UBXN2A: variants seen among roughly 807,000 people sequenced by gnomAD.
UBXN2A encodes the protein UBX domain protein 2A.
A neutral mutation model predicts 28.4 loss-of-function variants in UBXN2A; 28 were observed. The ratio of observed to expected loss-of-function variants is 0.99; its 90% CI spans 0.73 to 1.35. UBXN2A has a LOEUF of 1.35. UBXN2A is among the 40% of genes most tolerant of loss of function. UBXN2A has a pLI of 0.00. For missense variants in UBXN2A, 253 were observed against 297.9 expected (o/e 0.85, Z 1.11); for synonymous variants, 97 against 103.6 (o/e 0.94, Z 0.39).
chr2:23,993,697 T>G (rs1708432762), intron 6 of UBXN2A, among the ~76,000 whole-genome samples: 1 of 122,070 alleles, frequency 8.2e-6, no homozygotes, highest in Admixed American at 1.0e-4. Flanking sequence ...TTTAATTTTT[T>G]TTTTTTTTCA....
At chr2:23,931,591 C>T (rs1258152212) in intron 1 of UBXN2A, among the ~76,000 whole-genome samples, 4 of 151,958 alleles carry the variant, frequency 2.6e-5, no homozygotes, top group Non-Finnish European at 1.5e-5. Flanking sequence ...TGGCAAGATA[C>T]TAAGGAATGC....
intron 6 of UBXN2A, among the ~76,000 whole-genome samples, chr2:23,995,623 G>A (rs1236710694): frequency 6.6e-6 from 1 of 151,368 alleles, no homozygotes; most frequent in Non-Finnish European, 1.5e-5. Flanking sequence ...AACCCAGGGG[G>A]CGGAGCTTGC....
chr2:23,931,526 C>T (rs373759438), intron 1 of UBXN2A, among the ~76,000 whole-genome samples: 1 of 151,860 alleles, frequency 6.6e-6, no homozygotes. Context: ...ATAACTAAAA[C>T]GTTGGTTAAA....
At position 23,954,043 on chromosome 2, in the gene UBXN2A, A is replaced by G. The variant is rs755217249; in HGVS notation, c.-14-4258A>G. 2.3e-3 allele frequency among the ~76,000 whole-genome samples: 346 copies of G among 151,838 alleles called. 5 individuals carry two copies. The highest frequency in any genetic ancestry group is 2.2e-3 in the Non-Finnish European group (148 of 67,942). On this transcript the variant is annotated intron_variant, in intron 1 of 6. Coordinates refer to ENST00000309033, the MANE Select transcript of UBXN2A (RefSeq NM_181713.4). ...TCTTTTTGTTTTAAGACTGAGTTTC[A>G]CTCTTGTTGCCCAGGCTGGAGTGCA...
chr2:24,001,678 G>A lies in UBXN2A; in HGVS notation c.*1811G>A, dbSNP rs559178107. 18 of 151,756 alleles carry A rather than the reference G, an allele frequency of 1.2e-4. No individual in the cohort carries two copies. The South Asian group carries it at 3.7e-3, about 32-fold the overall frequency. 9.4% of individuals were successfully genotyped at this position (151,756 alleles called of 1,614,324 possible). ...TAAATTTTTAAAATATTTATTTATG[G>A]GCCAGGCACGGTGGCTTACGCCTGT... On this transcript the variant is annotated 3_prime_UTR_variant, in exon 7 of 7. Coordinates refer to ENST00000309033, the MANE Select transcript of UBXN2A (RefSeq NM_181713.4).
At chr2:23,946,397 T>G (rs1706081055) in intron 1 of UBXN2A, among the ~76,000 whole-genome samples, 1 of 151,902 alleles carries the variant, frequency 6.6e-6, no homozygotes, top group Non-Finnish European at 1.5e-5. Context: ...CTCGGCTCAC[T>G]GCAATGTCCG....
intron 2 of UBXN2A, among the ~76,000 whole-genome samples, chr2:23,963,617 G>T (rs1346266347): frequency 2.0e-5 from 3 of 152,142 alleles, no homozygotes; most frequent in Non-Finnish European, 4.4e-5. Flanking sequence ...ACACCTGTCA[G>T]GATGGCTGTT....
At chr2:23,934,148 G>A (rs190926575) in intron 1 of UBXN2A, among the ~76,000 whole-genome samples, 4 of 151,358 alleles carry the variant, frequency 2.6e-5, no homozygotes, top group Admixed American at 1.3e-4. Flanking sequence ...TGCGGGAGGC[G>A]GAGGTTGCAG....
rs550521346 is a variant in UBXN2A at position 23,986,037 on chromosome 2, G to C, written c.584+1206G>C. ...AACAGTAATGAAGTTGGCCGGGCAC[G>C]GTGGCTCACACCTGTAATCCCAGCA... On this transcript the variant is annotated intron_variant, in intron 6 of 6. Coordinates refer to ENST00000309033, the MANE Select transcript of UBXN2A (RefSeq NM_181713.4). Among the ~76,000 whole-genome samples the C allele has an allele frequency of 2.6e-5, 4 of 151,814 alleles. No homozygotes were observed. In the East Asian group the frequency reaches 7.7e-4, roughly 29 times the overall value.
At chr2:23,994,453 A>G (rs1389331386) in intron 6 of UBXN2A, among the ~76,000 whole-genome samples, 1 of 152,008 alleles carries the variant, frequency 6.6e-6, no homozygotes, top group African/African-American at 2.4e-5. Flanking sequence ...AGATGTTTTC[A>G]GTGTATCTTA....
rs113141068 is a variant in UBXN2A at position 23,942,086 on chromosome 2, T to C, written c.-15+1438T>C. On this transcript the variant is annotated intron_variant, in intron 1 of 6. Transcript: ENST00000309033. ...CAGAGCGGGACTCCATCTCAAAAAGTAAAATAAAATAAATAATCACACAAA... is the reference window on the plus strand; with the variant it reads ...CAGAGCGGGACTCCATCTCAAAAAGCAAAATAAAATAAATAATCACACAAA... Among the ~76,000 whole-genome samples the C allele has an allele frequency of 1.6e-3, 248 of 151,864 alleles. 2 individuals are homozygous for C. Among genetic ancestry groups the C allele is most frequent in the African/African-American group, 5.7e-3 (237 of 41,412 alleles).
chr2:23,937,229 G>C (rs1705557039), upstream of UBXN2A, among the ~76,000 whole-genome samples: 1 of 152,044 alleles, frequency 6.6e-6, no homozygotes, highest in South Asian at 2.1e-4. Flanking sequence ...AGAAATAAAA[G>C]GCATCCACAT....
At chr2:23,954,661 G>A (rs1443490634) in intron 1 of UBXN2A, among the ~76,000 whole-genome samples, 2 of 151,494 alleles carry the variant, frequency 1.3e-5, no homozygotes, top group Non-Finnish European at 2.9e-5. Flanking sequence ...AGGAACTATT[G>A]ATTTTGAGCA....
chr2:23,949,746 A>G (rs1168292473), intron 1 of UBXN2A, among the ~76,000 whole-genome samples: 1 of 151,598 alleles, frequency 6.6e-6, no homozygotes, highest in Non-Finnish European at 1.5e-5. Context: ...ATGGTGGCAC[A>G]TGCCAGTAAT....
At chr2:23,931,320 T>C (rs1285292733) in intron 1 of UBXN2A, among the ~76,000 whole-genome samples, 2 of 152,024 alleles carry the variant, frequency 1.3e-5, no homozygotes, top group South Asian at 2.1e-4. Context: ...TGGGTACTTA[T>C]AATGTAATCG....
intron 2 of UBXN2A, among the ~76,000 whole-genome samples, chr2:23,969,434 C>T (rs1470261477): frequency 6.6e-6 from 1 of 151,940 alleles, no homozygotes; most frequent in African/African-American, 2.4e-5. Context: ...GCAATCTCGG[C>T]TCACTGTGAC....
chr2:23,986,160 A>AT (rs1483202031), intron 6 of UBXN2A, among the ~76,000 whole-genome samples: 1 of 151,896 alleles, frequency 6.6e-6, no homozygotes, highest in Non-Finnish European at 1.5e-5. Context: ...TACAAAAAAA[A>AT]TTAGCCGGGC....
At chr2:23,980,128 T>A (rs1396448730) in intron 4 of UBXN2A, among the ~76,000 whole-genome samples, 1 of 152,164 alleles carries the variant, frequency 6.6e-6, no homozygotes, top group African/African-American at 2.4e-5. Context: ...CACTCTCCAT[T>A]TTCCCCTGCA....
rs1291653587 is a variant in UBXN2A at position 24,004,701 on chromosome 2, T to G, written c.*4834T>G. On this transcript the variant is annotated 3_prime_UTR_variant, in exon 7 of 7. Coordinates refer to ENST00000309033, the MANE Select transcript of UBXN2A (RefSeq NM_181713.4). ...CATATCTAATGTTACAGATTGTGGT[T>G]TATTGGTTAATTACTATGCATTTTT... 3 of 152,186 alleles carry G rather than the reference T, an allele frequency of 2.0e-5. No individual in the cohort carries two copies. The highest frequency in any genetic ancestry group is 4.4e-5 in the Non-Finnish European group (3 of 68,026). 9.4% of individuals were successfully genotyped at this position (152,186 alleles called of 1,614,324 possible).
Sources: allele counts gnomAD v4.1 joint callset (sites outside exome capture counted in the v4.1 genomes callset), GRCh38; gene constraint gnomAD v4.1.1; transcripts MANE v1.5; gene names NCBI Gene and HGNC (gene_info 2026-07-23, HGNC 2026-07-21).